Variants in CLSTN2 observed in about 807,000 individuals in gnomAD.
The protein encoded by CLSTN2 is calsyntenin-2.
Under a neutral mutation model 101.2 loss-of-function variants are expected in CLSTN2, and 48 were observed. The observed-to-expected ratio is 0.47, with a 90% CI of 0.38 to 0.60. CLSTN2 has a LOEUF of 0.60. Ranked by LOEUF, CLSTN2 falls within the 20% of genes least tolerant of loss-of-function variation. The probability of loss-of-function intolerance (pLI) is 0.00; values close to 1 mark genes in which losing one functional copy is unlikely to be tolerated. For missense variants in CLSTN2, 1,160 were observed against 1,238.2 expected, an observed-to-expected ratio of 0.94 and a Z score of 0.95; for synonymous variants, 481 against 463.6, an observed-to-expected ratio of 1.04 and a Z score of -0.48.
At chr3:140,516,048 T>C (rs1201990225) in intron 8 of CLSTN2, among the ~76,000 whole-genome samples, 2 of 152,224 alleles carry the variant, frequency 1.3e-5, no homozygotes, top group African/African-American at 4.8e-5. Context: ...ATGATAGTGA[T>C]ATTTTCCTAT....
At chr3:140,198,911 A>T (rs1253901935) in intron 2 of CLSTN2, among the ~76,000 whole-genome samples, 1 of 152,202 alleles carries the variant, frequency 6.6e-6, no homozygotes, top group Non-Finnish European at 1.5e-5. Flanking sequence ...CTTTGAATGA[A>T]ATCAACTGAG....
At chr3:140,449,628 T>C (rs947658269) in intron 6 of CLSTN2, 1 of 152,202 alleles carries the variant, frequency 6.6e-6, no homozygotes, top group African/African-American at 2.4e-5. Flanking sequence ...TTGTCAACTG[T>C]CGTGGTGCTG....
In CLSTN2 at chr3:140,073,684, C is replaced by T. The variant is rs566995876; in HGVS notation, c.110-102267C>T. On this transcript the variant is annotated intron_variant, in intron 1 of 16. Coordinates refer to ENST00000458420, the MANE Select transcript of CLSTN2 (RefSeq NM_022131.3). ...TCTCCTTAAAGCACTGGACACTTAG[C>T]TGTAGGTGTTAAATAGATGTTGGCA... is the stretch of plus-strand genomic sequence containing the variant. Among the ~76,000 whole-genome samples the T allele has an allele frequency of 1.4e-4, 21 of 152,334 alleles. No individual in the cohort carries two copies. In the South Asian group the frequency reaches 3.7e-3, roughly 27 times the overall value.
At chr3:140,333,428 G>A (rs1368940595) in intron 2 of CLSTN2, among the ~76,000 whole-genome samples, 1 of 152,166 alleles carries the variant, frequency 6.6e-6, no homozygotes, top group Non-Finnish European at 1.5e-5. Flanking sequence ...TGATAGGCTT[G>A]TATAATTCCA....
chr3:140,435,625 G>GT (rs912973710), intron 5 of CLSTN2, among the ~76,000 whole-genome samples: 3 of 152,098 alleles, frequency 2.0e-5, no homozygotes, highest in Admixed American at 6.5e-5. Flanking sequence ...TACTTTTTTA[G>GT]TTTTTTGAGG....
chr3:139,944,269 A>T (rs1935182211), intron 1 of CLSTN2, among the ~76,000 whole-genome samples: 1 of 152,224 alleles, frequency 6.6e-6, no homozygotes, highest in Non-Finnish European at 1.5e-5. Context: ...TAGAAAGTCT[A>T]GTTTCAGAGT....
chr3:140,235,152 A>G (rs911853282), intron 2 of CLSTN2, among the ~76,000 whole-genome samples: 1 of 152,222 alleles, frequency 6.6e-6, no homozygotes, highest in Non-Finnish European at 1.5e-5. Flanking sequence ...TTTCTAGCAC[A>G]TCGAAGTTTC....
chr3:140,565,068 C>A (rs1488545445), intron 16 of CLSTN2, among the ~76,000 whole-genome samples: 2 of 152,202 alleles, frequency 1.3e-5, no homozygotes, highest in African/African-American at 2.4e-5. Context: ...TATACAGACT[C>A]CAGAATTTCC....
intron 2 of CLSTN2, among the ~76,000 whole-genome samples, chr3:140,202,339 G>T (rs74429619): frequency 0.018 from 2,739 of 152,260 alleles, 86 homozygotes; most frequent in African/African-American, 0.063. Context: ...GGGATTGTGG[G>T]TGGGTATGTT....
chr3:140,403,504 C>T (rs1285336046), intron 2 of CLSTN2, 125 bp from the exon 3 acceptor site: 8 of 812,014 alleles, frequency 9.9e-6, no homozygotes, highest in African/African-American at 1.7e-5. Context: ...GGCTCGTGGA[C>T]CACACTATGT....
rs1372345923 is a variant in CLSTN2 at position 139,935,643 on chromosome 3, C to T, written c.109+160C>T. Among the ~76,000 whole-genome samples, 6 of 152,162 alleles carry T rather than the reference C, an allele frequency of 3.9e-5. No individual in the cohort carries two copies. The highest frequency in any genetic ancestry group is 1.9e-4 in the East Asian group (1 of 5,162). ...CTGGATTCCCGAAGTCAGTTCCCTGCGCAGCGGACCAGAGAGGTCCACCCG... is the reference window on the plus strand; with the variant it reads ...CTGGATTCCCGAAGTCAGTTCCCTGTGCAGCGGACCAGAGAGGTCCACCCG... On this transcript the variant is annotated intron_variant, in intron 1 of 16. Coordinates refer to ENST00000458420, the MANE Select transcript of CLSTN2 (RefSeq NM_022131.3). This position sits in a 1 kb window ranked among gnomAD's most constrained non-coding sequence, Gnocchi z 5.5.
chr3:140,262,486 T>C (rs1017015534), intron 2 of CLSTN2, among the ~76,000 whole-genome samples: 2 of 35,598 alleles, frequency 5.6e-5, no homozygotes, highest in African/African-American at 8.4e-5. Flanking sequence ...TGATGAATTA[T>C]GAACTCTAAC....
intron 2 of CLSTN2, among the ~76,000 whole-genome samples, chr3:140,181,621 T>A (rs1291401248): frequency 6.6e-6 from 1 of 152,170 alleles, no homozygotes; most frequent in African/African-American, 2.4e-5. Flanking sequence ...TAAATTTTCT[T>A]ACATTCTACC....
intron 1 of CLSTN2, among the ~76,000 whole-genome samples, chr3:139,944,782 T>C (rs1935189951): frequency 6.6e-6 from 1 of 152,218 alleles, no homozygotes; most frequent in South Asian, 2.1e-4. Flanking sequence ...CCTTTGGTCA[T>C]GGGGAGGAGC....
At chr3:140,046,873 G>T (rs191232504) in intron 1 of CLSTN2, among the ~76,000 whole-genome samples, 22 of 151,826 alleles carry the variant, frequency 1.4e-4, no homozygotes, top group Non-Finnish European at 2.8e-4. Context: ...TTCCACATTT[G>T]AGTGAAGTGC....
chr3:140,058,397 A>G (rs1313287621), intron 1 of CLSTN2, among the ~76,000 whole-genome samples: 1 of 152,154 alleles, frequency 6.6e-6, no homozygotes, highest in Admixed American at 6.5e-5. Context: ...TCATGGATGG[A>G]AGACATGGCA....
At chr3:140,053,931 G>A (rs1324762438) in intron 1 of CLSTN2, among the ~76,000 whole-genome samples, 1 of 152,176 alleles carries the variant, frequency 6.6e-6, no homozygotes, top group Non-Finnish European at 1.5e-5. Flanking sequence ...TGACTTGTCT[G>A]TAGGCACATG....
rs150059859 is a variant in CLSTN2, at chr3:139,980,106, C to T, written c.109+44623C>T. ...CCACCATCATCTCTCACCTGAATGA[C>T]TGCAGTAGTCTCCTGATAGTCTCTT... On this transcript the variant is annotated intron_variant, in intron 1 of 16. Coordinates refer to ENST00000458420, the MANE Select transcript of CLSTN2 (RefSeq NM_022131.3). Among the ~76,000 whole-genome samples, 169 of 152,244 alleles carry T rather than the reference C, an allele frequency of 1.1e-3. 3 individuals carry two copies. The highest frequency in any genetic ancestry group is 1.7e-3 in the Non-Finnish European group (117 of 67,996).
At chr3:140,077,667 G>T (rs558406729) in intron 1 of CLSTN2, among the ~76,000 whole-genome samples, 65 of 151,490 alleles carry the variant, frequency 4.3e-4, no homozygotes, top group African/African-American at 1.6e-3. Context: ...GGTCTTCTCA[G>T]TTTCCCTCTC....
Sources: allele counts gnomAD v4.1 joint callset (sites outside exome capture counted in the v4.1 genomes callset), GRCh38; gene constraint gnomAD v4.1.1; non-coding constraint Gnocchi (gnomAD v3.1); transcripts MANE v1.5; gene names NCBI Gene and HGNC (gene_info 2026-07-23, HGNC 2026-07-21).